NR3C1: variants seen among roughly 807,000 people sequenced by gnomAD.
The protein encoded by NR3C1 is glucocorticoid receptor.
Under a neutral mutation model 74.0 loss-of-function variants are expected in NR3C1, and 14 were observed. That is an observed-to-expected ratio of 0.19 (90% confidence interval 0.12 to 0.30). The LOEUF (loss-of-function observed/expected upper bound fraction) is 0.30, where lower values mean the gene tolerates loss of function less well. Among genes scored for constraint, NR3C1 ranks in the 10% least tolerant of loss-of-function variants. The pLI is 1.00. For missense variants in NR3C1, 695 were observed against 909.8 expected (o/e 0.76, Z 3.04); for synonymous variants, 308 against 332.5 (o/e 0.93, Z 0.80).
At chr5:143,296,676 T>C (rs1817303755) in intron 6 of NR3C1, among the ~76,000 whole-genome samples, 1 of 152,194 alleles carries the variant, frequency 6.6e-6, no homozygotes. Context: ...CATGAGAGAC[T>C]GTTTGACAGC....
intron 2 of NR3C1, among the ~76,000 whole-genome samples, chr5:143,346,531 T>C (rs185359151): frequency 1.6e-4 from 24 of 152,362 alleles, no homozygotes; most frequent in Non-Finnish European, 2.5e-4. Flanking sequence ...CTTGAAAATA[T>C]ATAGGAAATT....
chr5:143,308,290 T>G (rs1001723041), intron 4 of NR3C1, among the ~76,000 whole-genome samples: 1 of 151,894 alleles, frequency 6.6e-6, no homozygotes, highest in Non-Finnish European at 1.5e-5. Context: ...CAAGACCCCT[T>G]TGTCTCTACA....
In NR3C1 at chr5:143,400,704, G is replaced by A. The variant is rs1421646652; in HGVS notation, c.136C>T (p.Pro46Ser). The A allele has an allele frequency of 6.2e-7, 1 of 1,614,186 alleles. No individual in the cohort carries two copies. Among genetic ancestry groups the A allele is most frequent in the Non-Finnish European group, 8.5e-7 (1 of 1,180,026 alleles). Residue 46 changes from proline (P) to serine (S), a missense_variant, in exon 2 of 9, where the codon CCC becomes TCC. Around this residue, in one of 4 missense-constraint regions of NR3C1, gnomAD observed 497 missense variants for 489.5 expected, o/e 1.02. Transcript: ENST00000394464. The part of the protein sequence containing the change: ...GATVKVSASS[P>S]SLAVASQSDS... ...GATTGAGAAGCGACAGCCAGTGAGG[G>A]TGAAGACGCAGAAACCTTCACAGTA...
intron 2 of NR3C1, among the ~76,000 whole-genome samples, chr5:143,372,677 G>A (rs1208406092): frequency 1.3e-5 from 2 of 152,104 alleles, no homozygotes; most frequent in Non-Finnish European, 2.9e-5. Flanking sequence ...TCAAACATAA[G>A]CCCTTAAACC....
Position 143,400,773 on chromosome 5 carries a change from T to C in NR3C1, c.67A>G (p.Arg23Gly). 1 of 1,614,136 alleles carries C rather than the reference T, an allele frequency of 6.2e-7. No individual in the cohort carries two copies. The highest frequency in any genetic ancestry group is 8.5e-7 in the Non-Finnish European group (1 of 1,180,012). ...ENPSSVLAQE[R>G]GDVMDFYKTL... ...TTATAGAAGTCCATCACATCTCCCC[T>C]CTCCTGAGCAAGCACACTGCTGGGG... Residue 23 changes from arginine (R) to glycine (G), a missense_variant, in exon 2 of 9, where the codon AGG becomes GGG. Arg to Gly is a moderately radical substitution (Grantham distance 125, BLOSUM62 -2). Transcript: ENST00000394464.
At chr5:143,298,012 A>C (rs1012721336) in intron 6 of NR3C1, among the ~76,000 whole-genome samples, 1 of 152,192 alleles carries the variant, frequency 6.6e-6, no homozygotes, top group Non-Finnish European at 1.5e-5. Context: ...AGCAAACATT[A>C]GCCAACATGA....
chr5:143,396,628 G>A (rs974360078), intron 2 of NR3C1, among the ~76,000 whole-genome samples: 2 of 151,740 alleles, frequency 1.3e-5, no homozygotes, highest in Admixed American at 6.6e-5. Context: ...ATACAGATGC[G>A]ATTACTAATG....
intron 1 of NR3C1, among the ~76,000 whole-genome samples, chr5:143,425,419 C>T (rs974337177): frequency 2.0e-5 from 3 of 152,030 alleles, no homozygotes; most frequent in African/African-American, 7.2e-5. Context: ...AAAAAGACAA[C>T]CCACAGAATG....
chr5:143,373,054 A>G (rs1273477765), intron 2 of NR3C1, among the ~76,000 whole-genome samples: 1 of 152,326 alleles, frequency 6.6e-6, no homozygotes, highest in East Asian at 1.9e-4. Context: ...AAAACTAAAC[A>G]TAAATATTTC....
intron 7 of NR3C1, among the ~76,000 whole-genome samples, chr5:143,286,539 T>C (rs1203167279): frequency 6.6e-6 from 1 of 152,102 alleles, no homozygotes; most frequent in African/African-American, 2.4e-5. Flanking sequence ...AAGCATATGA[T>C]AAAAGTTTTT....
At position 143,306,874 on chromosome 5, in the gene NR3C1, A is replaced by ATTTTT. The variant is rs70991802; in HGVS notation, c.1468+3218_1468+3222dup. ...ACTGCAGCCTAAATTGTATGCTTAA[A>ATTTTT]TTTTTTTTTTTTTTTTTTTTTTTTT... On this transcript the variant is annotated intron_variant, in intron 4 of 8. Coordinates refer to ENST00000394464, the MANE Select transcript of NR3C1 (RefSeq NM_000176.3). Among the ~76,000 whole-genome samples, 49 of 82,902 alleles carry ATTTTT rather than the reference A, an allele frequency of 5.9e-4. 2 individuals are homozygous for ATTTTT. Among genetic ancestry groups the ATTTTT allele is most frequent in the African/African-American group, 2.3e-3 (45 of 19,650 alleles). The allele number at this position is 82,902 out of a possible 152,430, so 54.4% of individuals were successfully genotyped here.
chr5:143,290,460 T>A (rs922688062), intron 7 of NR3C1, among the ~76,000 whole-genome samples: 1 of 152,258 alleles, frequency 6.6e-6, no homozygotes, highest in Non-Finnish European at 1.5e-5. Context: ...GTAGATCCTT[T>A]TACTTCAGCC....
rs1397128995 is a variant in NR3C1 at position 143,278,499 on chromosome 5, T to C, written c.*3390A>G. The C allele has an allele frequency of 6.6e-6, 1 of 152,154 alleles. No homozygotes were observed. Among genetic ancestry groups the C allele is most frequent in the African/African-American group, 2.4e-5 (1 of 41,458 alleles). The allele number at this position is 152,154 out of a possible 1,614,324, so 9.4% of individuals were successfully genotyped here. ...GGTGGACCAGGTTGCTTGAAAATAG[T>C]CTGGGAAATTACGAAACTCCACCCA... On this transcript the variant is annotated 3_prime_UTR_variant, in exon 9 of 9. Coordinates refer to ENST00000394464, the MANE Select transcript of NR3C1 (RefSeq NM_000176.3).
At chr5:143,395,820 G>A (rs1265177362) in intron 2 of NR3C1, among the ~76,000 whole-genome samples, 3 of 151,770 alleles carry the variant, frequency 2.0e-5, no homozygotes, top group East Asian at 1.9e-4. Context: ...CAGATGTTCC[G>A]ACTTTCACAT....
chr5:143,399,529 A>G, intron 2 of NR3C1, 127 bp downstream of exon 2: 1 of 771,794 alleles, frequency 1.3e-6, no homozygotes, highest in Non-Finnish European at 2.1e-6. Flanking sequence ...TCAAAAGGCC[A>G]CTTAAACTTA....
At chr5:143,329,070 A>G (rs1429317911) in intron 2 of NR3C1, among the ~76,000 whole-genome samples, 1 of 152,176 alleles carries the variant, frequency 6.6e-6, no homozygotes, top group Non-Finnish European at 1.5e-5. Flanking sequence ...CAGTTTTTAC[A>G]CTACTATAAA....
chr5:143,295,942 AGAC>A (rs1243054767), intron 6 of NR3C1, among the ~76,000 whole-genome samples: 2 of 152,234 alleles, frequency 1.3e-5, no homozygotes, highest in African/African-American at 4.8e-5. Flanking sequence ...ACGGTCAATT[AGAC>A]GACAGTTTTA....
intron 1 of NR3C1, among the ~76,000 whole-genome samples, chr5:143,430,586 G>A (rs1007574983): frequency 1.1e-4 from 16 of 152,128 alleles, no homozygotes; most frequent in African/African-American, 3.6e-4. Flanking sequence ...CTATGAATGG[G>A]ATTAGTGCCC....
intron 1 of NR3C1, among the ~76,000 whole-genome samples, chr5:143,414,401 G>A (rs1561811071): frequency 6.6e-6 from 1 of 152,194 alleles, no homozygotes; most frequent in Non-Finnish European, 1.5e-5. Flanking sequence ...CAGGAAGCCA[G>A]AACCAGTAAT....
Sources: allele counts gnomAD v4.1 joint callset (sites outside exome capture counted in the v4.1 genomes callset), GRCh38; gene constraint gnomAD v4.1.1; regional missense constraint gnomAD v4.1.1; transcripts MANE v1.5; gene names NCBI Gene and HGNC (gene_info 2026-07-23, HGNC 2026-07-21).